REXO2: variants seen among roughly 807,000 people sequenced by gnomAD.
The protein encoded by REXO2 is RNA exonuclease 2.
REXO2 carries 17 observed loss-of-function variants against 30.9 expected under a neutral mutation model. The observed-to-expected ratio is 0.55, with a 90% CI of 0.38 to 0.82. REXO2 has a LOEUF of 0.82. Among genes scored for constraint, REXO2 ranks in the 40% least tolerant of loss-of-function variants. REXO2 has a pLI of 0.00. For synonymous variants in REXO2, 105 were observed against 99.6 expected (o/e 1.05, Z -0.32); for missense variants, 253 against 293.2 (o/e 0.86, Z 1.00).
At chr11:114,446,642 G>C (rs1176622377) in intron 5 of REXO2, among the ~76,000 whole-genome samples, 1 of 152,182 alleles carries the variant, frequency 6.6e-6, no homozygotes, top group Non-Finnish European at 1.5e-5. Context: ...TGAGGAGAGA[G>C]CATTCAGAGA....
At chr11:114,447,728 A>T in intron 5 of REXO2, 98 bp from the exon 6 acceptor site, 1 of 989,378 alleles carries the variant, frequency 1.0e-6, no homozygotes, top group Non-Finnish European at 1.5e-6. Context: ...ATCATGACTC[A>T]AATGCCATTT....
intron 4 of REXO2, 44 bp from the exon 5 acceptor site, chr11:114,445,935 A>G: frequency 9.8e-7 from 1 of 1,018,222 alleles, no homozygotes. Flanking sequence ...CCTGTTGTAT[A>G]ATACTAGAAA....
At chr11:114,446,709 A>G (rs1052952261) in intron 5 of REXO2, among the ~76,000 whole-genome samples, 1 of 152,200 alleles carries the variant, frequency 6.6e-6, no homozygotes, top group Non-Finnish European at 1.5e-5. Flanking sequence ...AAATGTGTTA[A>G]ATGAATCCCA....
chr11:114,440,038 G>A (rs1591209900), intron 1 of REXO2: 1 of 475,430 alleles, frequency 2.1e-6, no homozygotes, highest in Non-Finnish European at 4.0e-6. Context: ...AATCCTTAAA[G>A]GACCCTAGGT....
At chr11:114,440,224 G>A in intron 1 of REXO2, 1 of 441,394 alleles carries the variant, frequency 2.3e-6, no homozygotes, top group Non-Finnish European at 4.5e-6. Flanking sequence ...CCCGAAACAA[G>A]GGCTCCTCCC....
Position 114,450,015 on chromosome 11 carries a change from C to A in REXO2, c.*40C>A. On this transcript the variant is annotated 3_prime_UTR_variant, in exon 7 of 7. Coordinates refer to ENST00000265881, the MANE Select transcript of REXO2 (RefSeq NM_015523.4). ...CTGCCACTACATCGTTATCTGGAGG[C>A]AACTTCTGGTGGTTTTTTTTTCTCA... 1 of 1,544,220 alleles carries A rather than the reference C, an allele frequency of 6.5e-7. No homozygotes were observed. Among genetic ancestry groups the A allele is most frequent in the Non-Finnish European group, 8.7e-7 (1 of 1,148,556 alleles).
chr11:114,439,622 G>C lies in REXO2; in HGVS notation c.94G>C (p.Ala32Pro). 6.2e-7 allele frequency: 1 copy of C among 1,603,262 alleles called. No individual in the cohort carries two copies. Among genetic ancestry groups the C allele is most frequent in the Non-Finnish European group, 8.5e-7 (1 of 1,176,296 alleles). ...CCGAGGTGTCCGCGAAGGTGGCGCA[G>C]CCATGGCGGCAGGGGAGAGCATGGC... Reference protein sequence around the residue: ...GARGVREGGAAMAAGESMAQR... With the variant: ...GARGVREGGAPMAAGESMAQR... The change falls in exon 1 of 7, where the codon GCC becomes CCC. Residue 32 changes from alanine to proline, a missense_variant. Ala to Pro is a conservative substitution (Grantham distance 27, BLOSUM62 -1). Transcript: ENST00000265881.
At chr11:114,447,959 C>A in intron 6 of REXO2, 80 bp downstream of exon 6, 1 of 1,051,624 alleles carries the variant, frequency 9.5e-7, no homozygotes, top group African/African-American at 1.6e-5. Context: ...AAATAATGTC[C>A]CTTAACTCTT....
chr11:114,444,091 T>TA, intron 3 of REXO2, 158 bp downstream of exon 3: 1 of 691,126 alleles, frequency 1.4e-6, no homozygotes, highest in East Asian at 2.8e-5. Flanking sequence ...TTACTTTTCA[T>TA]CTTTGGGACC....
At chr11:114,440,157 T>C (rs1187830608) in intron 1 of REXO2, 4 of 461,932 alleles carry the variant, frequency 8.7e-6, no homozygotes, top group Non-Finnish European at 1.7e-5. Flanking sequence ...GTCGTGCTGT[T>C]AGTGAGAGTC....
intron 2 of REXO2, among the ~76,000 whole-genome samples, chr11:114,442,951 G>A (rs556371547): frequency 3.3e-4 from 50 of 152,082 alleles, no homozygotes; most frequent in African/African-American, 1.2e-3. Flanking sequence ...TGAACTATTG[G>A]ATTTTTGTCC....
In REXO2 at chr11:114,448,786, G is replaced by A. The variant is rs573754549; in HGVS notation, c.584+907G>A. 4.6e-5 allele frequency among the ~76,000 whole-genome samples: 7 copies of A among 152,346 alleles called. No individual in the cohort carries two copies. The South Asian group carries it at 1.4e-3, about 32-fold the overall frequency. ...GCATAAGTAATGATGACTGTCAATA[G>A]CCTCACATTAAGATTGCTCAGGTTT... On this transcript the variant is annotated intron_variant, in intron 6 of 6. Transcript: ENST00000265881.
intron 1 of REXO2, chr11:114,439,917 C>G (rs572591782): frequency 6.4e-4 from 367 of 574,438 alleles, no homozygotes; most frequent in Non-Finnish European, 1.0e-3. Flanking sequence ...TTCTTCTCCT[C>G]CCTACCCCTC....
At chr11:114,444,466 A>G (rs540712) in intron 3 of REXO2, 75 bp from the exon 4 acceptor site, 570,720 of 1,062,858 alleles carry the variant, frequency 0.54, 158,209 homozygotes, top group African/African-American at 0.84. Context: ...TAAAAGTGAA[A>G]TTTCATTTCT....
chr11:114,449,921 TGAAAA>T lies in REXO2; in HGVS notation c.664_668del (p.Lys222GlufsTer10), dbSNP rs752144349. On this transcript the variant is annotated frameshift_variant, in exon 7 of 7. Coordinates refer to ENST00000265881, the MANE Select transcript of REXO2 (RefSeq NM_015523.4). LOFTEE classifies it high-confidence loss of function. ...ATAACATCTTCAAGAAAAAAATAGA[TGAAAA>T]GAAGAGGAAAATTATAGAAAATGGG... 6 of 1,609,024 alleles carry T rather than the reference TGAAAA, an allele frequency of 3.7e-6. No individual in the cohort carries two copies. The highest frequency in any genetic ancestry group is 2.7e-5 in the African/African-American group (2 of 74,546).
intron 2 of REXO2, 111 bp from the exon 3 acceptor site, chr11:114,443,745 C>G (rs1591211034): frequency 1.4e-6 from 1 of 737,576 alleles, no homozygotes; most frequent in Admixed American, 2.6e-5. Flanking sequence ...ATCCTTATCT[C>G]TTACTTTCTC....
chr11:114,446,933 CTTTTTTTTTTTTT>C (rs539152554), intron 5 of REXO2, among the ~76,000 whole-genome samples: 4 of 94,370 alleles, frequency 4.2e-5, no homozygotes, highest in African/African-American at 1.7e-4. Context: ...AGAAAGGAGG[CTTTTTTTTTTTTT>C]TTTTTTTTTT....
intron 5 of REXO2, 188 bp downstream of exon 5, chr11:114,446,275 T>C: frequency 2.5e-6 from 1 of 393,820 alleles, no homozygotes; most frequent in Non-Finnish European, 4.5e-6. Flanking sequence ...AGCAACAACG[T>C]CAGACATGTT....
intron 5 of REXO2, among the ~76,000 whole-genome samples, chr11:114,447,519 A>C (rs1591212340): frequency 6.6e-6 from 1 of 152,168 alleles, no homozygotes; most frequent in East Asian, 1.9e-4. Flanking sequence ...TGTATGTTGA[A>C]TTAGAAGTGT....
Sources: gnomAD v4.1 joint callset for allele counts (sites outside exome capture counted in the v4.1 genomes callset) on GRCh38, gnomAD v4.1.1 for gene constraint, MANE v1.5 for transcripts, NCBI Gene and HGNC (gene_info 2026-07-23, HGNC 2026-07-21) for gene names.